AUH: variants seen among roughly 807,000 people sequenced by gnomAD.
The protein encoded by AUH is methylglutaconyl-CoA hydratase, mitochondrial.
Under a neutral mutation model 42.3 loss-of-function variants are expected in AUH, and 29 were observed. The ratio of observed to expected loss-of-function variants is 0.69; its 90% CI spans 0.51 to 0.93. The LOEUF (loss-of-function observed/expected upper bound fraction) is 0.93. Ranked by LOEUF, AUH falls within the 40% of genes least tolerant of loss-of-function variation. AUH has a pLI of 0.00. For synonymous variants in AUH, 174 were observed against 166.4 expected (o/e 1.05, Z -0.35); for missense variants, 452 against 438.1 (o/e 1.03, Z -0.28).
At chr9:91,266,561 C>T (rs1829989707) in intron 6 of AUH, among the ~76,000 whole-genome samples, 1 of 152,072 alleles carries the variant, frequency 6.6e-6, no homozygotes, top group African/African-American at 2.4e-5. Flanking sequence ...CTATAACTGG[C>T]TCATATGGGT....
intron 6 of AUH, among the ~76,000 whole-genome samples, chr9:91,287,812 G>C (rs964653812): frequency 6.6e-6 from 1 of 151,946 alleles, no homozygotes; most frequent in African/African-American, 2.4e-5. Context: ...CTAAATTCCT[G>C]TTAATATTCT....
chr9:91,267,996 T>C (rs1488117371), intron 6 of AUH, among the ~76,000 whole-genome samples: 2 of 152,262 alleles, frequency 1.3e-5, no homozygotes, highest in East Asian at 1.9e-4. Context: ...CAGTTTCAGC[T>C]ACGGGCTGCT....
At chr9:91,263,020 T>C (rs1365007845) in intron 6 of AUH, among the ~76,000 whole-genome samples, 2 of 152,212 alleles carry the variant, frequency 1.3e-5, no homozygotes, top group Non-Finnish European at 2.9e-5. Context: ...AGTGTTGCTG[T>C]GTTTTAAGAT....
intron 6 of AUH, among the ~76,000 whole-genome samples, chr9:91,253,635 C>G (rs1259853043): frequency 6.6e-6 from 1 of 152,178 alleles, no homozygotes; most frequent in African/African-American, 2.4e-5. Context: ...GTTTGTGGCT[C>G]TTCTCTGATC....
intron 3 of AUH, among the ~76,000 whole-genome samples, chr9:91,352,833 G>C (rs1289761342): frequency 6.6e-6 from 1 of 152,176 alleles, no homozygotes; most frequent in Non-Finnish European, 1.5e-5. Flanking sequence ...CTGAGTCCCT[G>C]TTGTTTGCTG....
rs1832897215 is a variant in AUH at position 91,361,861 on chromosome 9, C to A, written c.29G>T (p.Gly10Val). Reference sequence around the variant, plus strand: ...GCCAGCATGCAGGGATCCCAAGGCCCCAGGTGCCGCCGCCACCGCGGCCGC... The same window carrying A: ...GCCAGCATGCAGGGATCCCAAGGCCACAGGTGCCGCCGCCACCGCGGCCGC... MAAAVAAAP[G>V]ALGSLHAGGA... is the part of the protein sequence containing the mutation. The change falls in exon 1 of 10, where the codon GGG becomes GTG. Residue 10 changes from glycine (G) to valine (V), a missense_variant. Transcript: ENST00000375731. 1.4e-6 allele frequency: 2 copies of A among 1,475,770 alleles called. No individual in the cohort carries two copies. Among genetic ancestry groups the A allele is most frequent in the East Asian group, 2.9e-5 (1 of 34,888 alleles). 91.4% of individuals were successfully genotyped at this position (1,475,770 alleles called of 1,614,324 possible). A position where few individuals can be genotyped will look rare whatever the true frequency, so the allele number is the denominator to read the frequency against.
At chr9:91,274,955 A>C (rs1198835708) in intron 6 of AUH, among the ~76,000 whole-genome samples, 1 of 152,198 alleles carries the variant, frequency 6.6e-6, no homozygotes, top group East Asian at 1.9e-4. Flanking sequence ...GTTGCTCCTA[A>C]CCACACAGAA....
At chr9:91,289,984 A>T (rs2131611942) in intron 6 of AUH, among the ~76,000 whole-genome samples, 1 of 152,264 alleles carries the variant, frequency 6.6e-6, no homozygotes, top group East Asian at 1.9e-4. Flanking sequence ...ATACTATTGA[A>T]ATTTTTATTA....
At chr9:91,314,211 T>A (rs1038473402) in intron 4 of AUH, among the ~76,000 whole-genome samples, 5 of 152,010 alleles carry the variant, frequency 3.3e-5, no homozygotes, top group Admixed American at 1.3e-4. Flanking sequence ...GTCAAAAACC[T>A]TAAAAGTAGG....
At chr9:91,221,065 T>G (rs539768744) in intron 6 of AUH, 73 bp from the exon 7 acceptor site, 2 of 1,517,802 alleles carry the variant, frequency 1.3e-6, no homozygotes, top group Non-Finnish European at 1.8e-6. Flanking sequence ...GTTTCATATC[T>G]TCATTTATAA....
intron 4 of AUH, among the ~76,000 whole-genome samples, chr9:91,306,703 C>T (rs1047187882): frequency 4.6e-5 from 7 of 152,196 alleles, no homozygotes; most frequent in South Asian, 2.1e-4. Flanking sequence ...GTTTGAGGAG[C>T]TCTGGATACT....
chr9:91,322,032 C>T (rs898661554), intron 4 of AUH, among the ~76,000 whole-genome samples: 1 of 152,264 alleles, frequency 6.6e-6, no homozygotes, highest in Admixed American at 6.5e-5. Flanking sequence ...TACTTAGTTT[C>T]CATATGTCCT....
At chr9:91,321,186 T>G (rs1296013985) in intron 4 of AUH, among the ~76,000 whole-genome samples, 1 of 152,212 alleles carries the variant, frequency 6.6e-6, no homozygotes, top group Admixed American at 6.5e-5. Context: ...GATGTGGCTA[T>G]TTTTAACAAT....
chr9:91,257,388 G>A (rs1424592223), intron 6 of AUH, among the ~76,000 whole-genome samples: 1 of 151,646 alleles, frequency 6.6e-6, no homozygotes, highest in Non-Finnish European at 1.5e-5. Context: ...AACCATAGGA[G>A]AGCCAGCAAT....
chr9:91,215,718 G>A (rs1232398564), intron 9 of AUH, among the ~76,000 whole-genome samples: 1 of 152,122 alleles, frequency 6.6e-6, no homozygotes, highest in Non-Finnish European at 1.5e-5. Context: ...GCAGGCACAC[G>A]CTCATCACCA....
At chr9:91,235,044 T>A (rs1449539400) in intron 6 of AUH, among the ~76,000 whole-genome samples, 1 of 151,344 alleles carries the variant, frequency 6.6e-6, no homozygotes, top group Non-Finnish European at 1.5e-5. Context: ...TAGGAAAGGA[T>A]GTGAGGAGGA....
chr9:91,300,831 G>A (rs1327458893), intron 4 of AUH, among the ~76,000 whole-genome samples: 4 of 152,272 alleles, frequency 2.6e-5, no homozygotes, highest in South Asian at 4.2e-4. Flanking sequence ...GTGCAGCTCT[G>A]CCTAGAATGC....
At chr9:91,257,908 T>C (rs573439095) in intron 6 of AUH, among the ~76,000 whole-genome samples, 1 of 152,350 alleles carries the variant, frequency 6.6e-6, no homozygotes, top group Admixed American at 6.5e-5. Context: ...TATGTCTCCA[T>C]TTAAGTCTTC....
At chr9:91,342,666 T>A (rs577580886) in intron 3 of AUH, 1 of 152,280 alleles carries the variant, frequency 6.6e-6, no homozygotes, top group Admixed American at 6.5e-5. Context: ...TTTTAAAAAA[T>A]GGAATTAGAG....
Sources: allele counts gnomAD v4.1 joint callset (sites outside exome capture counted in the v4.1 genomes callset), GRCh38; gene constraint gnomAD v4.1.1; transcripts MANE v1.5; gene names NCBI Gene and HGNC (gene_info 2026-07-23, HGNC 2026-07-21).